ABCB1: variants seen among roughly 807,000 people sequenced by gnomAD.
ABCB1 encodes ATP-dependent translocase ABCB1.
ABCB1 carries 69 observed loss-of-function variants against 142.0 expected under a neutral mutation model. The ratio of observed to expected loss-of-function variants is 0.49; its 90% confidence interval spans 0.40 to 0.59. ABCB1 has a LOEUF of 0.59. Ranked by LOEUF, ABCB1 falls within the 20% of genes least tolerant of loss-of-function variation. The pLI is 0.00. For synonymous variants in ABCB1, 532 were observed against 539.2 expected (o/e 0.99, Z 0.18); for missense variants, 1,326 against 1,554.7 (o/e 0.85, Z 2.47).
chr7:87,690,628 T>G (rs1827922500), intron 1 of ABCB1, among the ~76,000 whole-genome samples: 1 of 152,280 alleles, frequency 6.6e-6, no homozygotes, highest in South Asian at 2.1e-4. Flanking sequence ...ATTACAGTAC[T>G]GTAGCATTTT....
chr7:87,541,392 G>C lies in ABCB1; in HGVS notation c.2284C>G (p.Leu762Val). ...AATGTAATAAAAGAAATAATTCCAA[G>C]GGCTAGAAACAATAGTGAAAACAAG... ...SNLFSLLFLA[L>V]GIISFITFFL... Residue 762 changes from leucine (L) to valine (V), a missense_variant, in exon 18 of 28, where the codon CTT becomes GTT. By Grantham distance (32) the Leu-to-Val change is conservative. Transcript: ENST00000622132. 1 of 1,603,746 alleles carries C rather than the reference G, an allele frequency of 6.2e-7. No homozygotes were observed. Among genetic ancestry groups the C allele is most frequent in the Non-Finnish European group, 8.5e-7 (1 of 1,170,736 alleles).
At position 87,568,591 on chromosome 7, in the gene ABCB1, G is replaced by A. The variant is rs1295231492; in HGVS notation, c.338+1581C>T. ...CATGCAGAAGCTATAAAGATGGCTA[G>A]GTAACAAGCAGACAGTCTCTGACAT... is the stretch of plus-strand genomic sequence containing the variant. On this transcript the variant is annotated intron_variant, in intron 5 of 27. Coordinates refer to ENST00000622132, the MANE Select transcript of ABCB1 (RefSeq NM_001348946.2). Among the ~76,000 whole-genome samples the A allele has an allele frequency of 2.6e-5, 4 of 152,120 alleles. No individual in the cohort carries two copies. In the East Asian group the frequency reaches 7.7e-4, roughly 29 times the overall value.
chr7:87,646,440 AT>A (rs1191859785), intron 1 of ABCB1, among the ~76,000 whole-genome samples: 1 of 152,138 alleles, frequency 6.6e-6, no homozygotes, highest in East Asian at 1.9e-4. Context: ...CACTTTGTTA[AT>A]TTTGTTTTCA....
intron 21 of ABCB1, among the ~76,000 whole-genome samples, chr7:87,524,146 C>A (rs772160167): frequency 4.6e-5 from 7 of 151,306 alleles, no homozygotes; most frequent in African/African-American, 7.3e-5. Flanking sequence ...AGACTAATAT[C>A]AAAATCTATC....
chr7:87,711,455 C>A (rs1563153915), intron 1 of ABCB1, among the ~76,000 whole-genome samples: 2 of 151,816 alleles, frequency 1.3e-5, no homozygotes. Context: ...ACATCCTGTG[C>A]CATGTGAAAA....
chr7:87,694,583 C>G (rs963308503), intron 1 of ABCB1, among the ~76,000 whole-genome samples: 1 of 152,140 alleles, frequency 6.6e-6, no homozygotes, highest in African/African-American at 2.4e-5. Flanking sequence ...TCCTTTCAAG[C>G]AATTTTATCT....
intron 25 of ABCB1, among the ~76,000 whole-genome samples, chr7:87,510,213 T>C (rs1263190444): frequency 6.6e-6 from 1 of 152,254 alleles, no homozygotes; most frequent in Non-Finnish European, 1.5e-5. Flanking sequence ...AGCCTTATTC[T>C]TAAATCTCCA....
At chr7:87,651,850 A>G (rs1409122032) in intron 1 of ABCB1, among the ~76,000 whole-genome samples, 2 of 152,126 alleles carry the variant, frequency 1.3e-5, no homozygotes, top group East Asian at 3.8e-4. Flanking sequence ...TGGGAGAAAA[A>G]ATATGAATTC....
At chr7:87,695,908 C>T (rs1047498258) in intron 1 of ABCB1, among the ~76,000 whole-genome samples, 10 of 151,898 alleles carry the variant, frequency 6.6e-5, no homozygotes, top group African/African-American at 1.9e-4. Flanking sequence ...AACATTGGAC[C>T]CTAGAGATCA....
chr7:87,546,277 C>T (rs181384807), intron 14 of ABCB1, among the ~76,000 whole-genome samples: 46 of 152,242 alleles, frequency 3.0e-4, no homozygotes, highest in African/African-American at 1.0e-3. Context: ...TTTTATTTAA[C>T]CTAAATTTGC....
chr7:87,542,067 G>A (rs4148736), intron 17 of ABCB1, among the ~76,000 whole-genome samples: 64,467 of 151,890 alleles, frequency 0.42, 13,773 homozygotes, highest in African/African-American at 0.45. Context: ...GAACACAGAG[G>A]ATAACCATTC....
chr7:87,558,853 A>T (rs1235392682), intron 8 of ABCB1, among the ~76,000 whole-genome samples: 1 of 151,930 alleles, frequency 6.6e-6, no homozygotes, highest in East Asian at 1.9e-4. Flanking sequence ...TAGTCTATTA[A>T]TATGGTTAAT....
intron 1 of ABCB1, among the ~76,000 whole-genome samples, chr7:87,703,703 C>T (rs1829289324): frequency 6.6e-6 from 1 of 151,544 alleles, no homozygotes; most frequent in African/African-American, 2.4e-5. Flanking sequence ...ATATTTAAAT[C>T]CTATTGTTAT....
intron 1 of ABCB1, among the ~76,000 whole-genome samples, chr7:87,678,086 T>C (rs1280888467): frequency 1.3e-5 from 2 of 152,160 alleles, no homozygotes; most frequent in African/African-American, 2.4e-5. Context: ...AGAAGAAAAC[T>C]TGGAACTTCA....
chr7:87,516,568 T>C lies in ABCB1; in HGVS notation c.3025A>G (p.Ile1009Val). 1 of 1,614,198 alleles carries C rather than the reference T, an allele frequency of 6.2e-7. No homozygotes were observed. The highest frequency in any genetic ancestry group is 1.3e-5 in the African/African-American group (1 of 75,038). ...AKAKISAAHI[I>V]MIIEKTPLID... ...AAAGGGGTTTTTTCAATGATCATGA[T>C]GATGTGGGCTGCTGATATTTTGGCT... The change falls in exon 24 of 28, where the codon ATC (isoleucine) becomes GTC (valine). Residue 1009 changes from isoleucine to valine, a missense_variant. Transcript: ENST00000622132.
chr7:87,543,728 G>C (rs1816646162), intron 17 of ABCB1, among the ~76,000 whole-genome samples: 1 of 152,154 alleles, frequency 6.6e-6, no homozygotes, highest in African/African-American at 2.4e-5. Flanking sequence ...TCACATCCTG[G>C]AAAGTATGTA....
intron 1 of ABCB1, among the ~76,000 whole-genome samples, chr7:87,695,756 A>G (rs1023150752): frequency 2.0e-5 from 3 of 152,114 alleles, no homozygotes; most frequent in African/African-American, 7.2e-5. Flanking sequence ...ACTGCTTAGT[A>G]GAGAACCACT....
At chr7:87,519,518 A>T (rs747522832) in intron 22 of ABCB1, 52 bp from the exon 23 acceptor site, 17 of 1,611,532 alleles carry the variant, frequency 1.1e-5, no homozygotes, top group Non-Finnish European at 1.4e-5. Context: ...TCAGTCCTTA[A>T]AATGTAACTT....
intron 21 of ABCB1, among the ~76,000 whole-genome samples, chr7:87,528,969 G>A (rs1157588333): frequency 6.6e-6 from 1 of 152,320 alleles, no homozygotes; most frequent in Non-Finnish European, 1.5e-5. Context: ...AGGCCATAAA[G>A]GTCATCAGGA....
Sources: allele counts gnomAD v4.1 joint callset (sites outside exome capture counted in the v4.1 genomes callset), GRCh38; gene constraint gnomAD v4.1.1; transcripts MANE v1.5; gene names NCBI Gene and HGNC (gene_info 2026-07-23, HGNC 2026-07-21).